The following TENM3 variants were observed in gnomAD, a reference collection of about 807,000 sequenced individuals.
TENM3 encodes the protein teneurin-3.
A neutral mutation model predicts 255.1 loss-of-function variants in TENM3; 63 were observed. The ratio of observed to expected loss-of-function variants is 0.25; its 90% CI spans 0.20 to 0.30. TENM3 has a LOEUF of 0.30. TENM3 is among the 10% of genes least tolerant of loss of function. TENM3 has a pLI of 1.00. For synonymous variants in TENM3, 1,306 were observed against 1,322.3 expected (o/e 0.99, Z 0.27); for missense variants, 2,929 against 3,461.1 (o/e 0.85, Z 3.86).
chr4:182,641,443 C>A (rs1416162346), intron 5 of TENM3, among the ~76,000 whole-genome samples: 3 of 151,692 alleles, frequency 2.0e-5, no homozygotes, highest in African/African-American at 7.3e-5. Context: ...TTTAAAAAGC[C>A]AAAACAAGTG....
Position 182,799,568 on chromosome 4 carries a change from C to T in TENM3, c.7345-28C>T, listed in dbSNP as rs777481320. 5 of 1,529,532 alleles carry T rather than the reference C, an allele frequency of 3.3e-6. No individual in the cohort carries two copies. The highest frequency in any genetic ancestry group is 2.4e-5 in the South Asian group (2 of 83,546). 94.7% of individuals were successfully genotyped at this position (1,529,532 alleles called of 1,614,324 possible). ...TGGGGAGGCTCCCGGCCGCCTCTGA[C>T]GCGCCCCCTCTTTTGTTTCGCCCGC... On this transcript the variant is annotated intron_variant, in intron 27 of 27. Transcript: ENST00000511685. This position sits in a 1 kb window ranked among gnomAD's most constrained non-coding sequence, Gnocchi z 4.2.
At chr4:182,062,791 G>A in the TENM3 span, among the ~76,000 whole-genome samples, 9 of 152,198 alleles carry the variant, frequency 5.9e-5, no homozygotes, top group African/African-American at 2.2e-4. Flanking sequence ...CTAAGCAGAG[G>A]GTTTTGAGAA....
At chr4:181,468,327 A>C in the TENM3 span, among the ~76,000 whole-genome samples, 1 of 152,162 alleles carries the variant, frequency 6.6e-6, no homozygotes, top group South Asian at 2.1e-4. Context: ...AAGATGGACT[A>C]GTCCCTTAGC....
At chr4:182,154,485 T>G (rs1750566128) in intron 1 of TENM3, among the ~76,000 whole-genome samples, 1 of 152,212 alleles carries the variant, frequency 6.6e-6, no homozygotes, top group African/African-American at 2.4e-5. Flanking sequence ...TTATATGGAA[T>G]TTTAGTCTAA....
At chr4:181,845,667 A>G in the TENM3 span, among the ~76,000 whole-genome samples, 2 of 152,374 alleles carry the variant, frequency 1.3e-5, no homozygotes, top group Admixed American at 1.3e-4. Context: ...TCTTTGCACC[A>G]CATGACTGGT....
chr4:182,598,714 G>T (rs1560982999), intron 3 of TENM3, among the ~76,000 whole-genome samples: 1 of 152,156 alleles, frequency 6.6e-6, no homozygotes, highest in Admixed American at 6.5e-5. Context: ...ATGTACTTGG[G>T]ATGAATGGCT....
At chr4:181,559,014 G>T in the TENM3 span, among the ~76,000 whole-genome samples, 1 of 151,840 alleles carries the variant, frequency 6.6e-6, no homozygotes, top group Admixed American at 6.6e-5. Flanking sequence ...ACTGACATCT[G>T]ACCTTTGTTT....
intron 3 of TENM3, among the ~76,000 whole-genome samples, chr4:182,562,457 C>T (rs1661382583): frequency 6.6e-6 from 1 of 152,128 alleles, no homozygotes; most frequent in South Asian, 2.1e-4. Context: ...GCCGCTGTTG[C>T]CTCATGTGTC....
chr4:181,966,989 ATCTC>A, the TENM3 span, among the ~76,000 whole-genome samples: 17 of 147,302 alleles, frequency 1.2e-4, no homozygotes, highest in South Asian at 1.7e-3. Flanking sequence ...CTCACACCAT[ATCTC>A]TCTCTCTCTC....
At chr4:181,973,946 G>C in the TENM3 span, among the ~76,000 whole-genome samples, 2 of 152,114 alleles carry the variant, frequency 1.3e-5, no homozygotes, top group South Asian at 4.1e-4. Flanking sequence ...CAAATAAAGG[G>C]GACACCGGCA....
chr4:182,771,536 T>G (rs1301896620), intron 22 of TENM3, among the ~76,000 whole-genome samples: 2 of 151,692 alleles, frequency 1.3e-5, no homozygotes, highest in Admixed American at 1.3e-4. Context: ...AATTCTCCTA[T>G]GTAGAGGCAT....
the TENM3 span, among the ~76,000 whole-genome samples, chr4:182,013,292 G>T: frequency 6.6e-6 from 1 of 152,194 alleles, no homozygotes; most frequent in Admixed American, 6.5e-5. Flanking sequence ...TAACACTGGC[G>T]TGTTTTTCCT....
the TENM3 span, among the ~76,000 whole-genome samples, chr4:181,984,789 CGTGTGTGTGTGTGTGTGT>C: frequency 1.8e-4 from 25 of 138,588 alleles, no homozygotes; most frequent in Middle Eastern, 3.6e-3. Context: ...CTAAAAGAGT[CGTGTGTGTGTGTGTGTGT>C]GTGTGTGTGT....
chr4:181,600,025 T>A, the TENM3 span, among the ~76,000 whole-genome samples: 1 of 152,232 alleles, frequency 6.6e-6, no homozygotes, highest in Non-Finnish European at 1.5e-5. Context: ...TCCGTGTGTA[T>A]GATTAACAAT....
In TENM3 at chr4:182,743,225, C is replaced by T. The variant is rs755165608; in HGVS notation, c.3435C>T (p.Val1145=). The T allele has an allele frequency of 7.4e-6, 12 of 1,613,984 alleles. No homozygotes were observed. In the East Asian group the frequency reaches 1.8e-4, roughly 24 times the overall value. The part of the protein sequence containing the change: ...ENQFISQQPP[V]VSSIMGNGRR... Reference sequence around the variant, plus strand: ...AGTTCATCTCCCAGCAGCCTCCAGTCGTGAGTAGCATCATGGGCAATGGGC... The same window carrying T: ...AGTTCATCTCCCAGCAGCCTCCAGTTGTGAGTAGCATCATGGGCAATGGGC... The change falls in exon 19 of 28, where the codon GTC becomes GTT. Residue 1145 remains valine, a synonymous_variant. Transcript: ENST00000511685.
At chr4:181,837,063 A>G in the TENM3 span, among the ~76,000 whole-genome samples, 1 of 152,150 alleles carries the variant, frequency 6.6e-6, no homozygotes, top group Non-Finnish European at 1.5e-5. Context: ...GAAAATGCAA[A>G]TAGTTTTAAA....
Position 182,735,309 on chromosome 4 carries a change from C to G in TENM3, c.2968-1499C>G, listed in dbSNP as rs963944538. Among the ~76,000 whole-genome samples, 6 of 152,182 alleles carry G rather than the reference C, an allele frequency of 3.9e-5. No individual in the cohort carries two copies. The East Asian group carries it at 1.2e-3, about 29-fold the overall frequency. Reference sequence around the variant, plus strand: ...TACTGTACTGTACCACATCGCGTCCCTCTTCATGCCAACACTGACTGACAG... The same window carrying G: ...TACTGTACTGTACCACATCGCGTCCGTCTTCATGCCAACACTGACTGACAG... On this transcript the variant is annotated intron_variant, in intron 16 of 27. Transcript: ENST00000511685.
At chr4:182,560,063 T>C in intron 3 of TENM3, among the ~76,000 whole-genome samples, 1 of 150,444 alleles carries the variant, frequency 6.6e-6, no homozygotes, top group African/African-American at 2.4e-5. Context: ...CCTATAAAAA[T>C]TAAAAATTAA....
chr4:181,540,584 C>G, the TENM3 span, among the ~76,000 whole-genome samples: 8 of 152,162 alleles, frequency 5.3e-5, no homozygotes, highest in East Asian at 1.5e-3. Flanking sequence ...AGCACATGCC[C>G]TTTCTATATC....
Sources: allele counts gnomAD v4.1 joint callset (sites outside exome capture counted in the v4.1 genomes callset), GRCh38; gene constraint gnomAD v4.1.1; non-coding constraint Gnocchi (gnomAD v3.1); transcripts MANE v1.5; gene names NCBI Gene and HGNC (gene_info 2026-07-23, HGNC 2026-07-21).